GFOD1: variants seen among roughly 807,000 people sequenced by gnomAD.
GFOD1 encodes the protein glucose-fructose oxidoreductase domain-containing protein 1.
GFOD1 carries 9 observed loss-of-function variants against 25.4 expected under a neutral mutation model. That is an observed-to-expected ratio of 0.35 (90% confidence interval 0.21 to 0.62). The LOEUF is 0.62. Among genes scored for constraint, GFOD1 ranks in the 20% least tolerant of loss-of-function variants. The pLI is 0.72. For synonymous variants in GFOD1, 253 were observed against 245.6 expected (o/e 1.03, Z -0.28); for missense variants, 403 against 556.9 (o/e 0.72, Z 2.78).
chr6:13,383,883 T>C (rs1370385499), intron 1 of GFOD1, among the ~76,000 whole-genome samples: 3 of 152,218 alleles, frequency 2.0e-5, no homozygotes, highest in Non-Finnish European at 4.4e-5. Context: ...AAAATGTTAA[T>C]GGGCCTACAT....
intron 1 of GFOD1, among the ~76,000 whole-genome samples, chr6:13,465,056 T>C (rs1018127080): frequency 1.1e-4 from 17 of 152,326 alleles, no homozygotes; most frequent in African/African-American, 4.1e-4. Flanking sequence ...TCTGTGCTCA[T>C]TCTCATAGTA....
intron 1 of GFOD1, among the ~76,000 whole-genome samples, chr6:13,402,801 A>G (rs1237712546): frequency 6.6e-6 from 1 of 152,256 alleles, no homozygotes; most frequent in Non-Finnish European, 1.5e-5. Context: ...TAGAGTGACC[A>G]TATGACCCAG....
In GFOD1 at chr6:13,359,992, C is replaced by T. The variant is rs141968164; in HGVS notation, c.*4751G>A. ...TCCAGATTTCCCTGCAACTGCTCAG[C>T]GAATTGAGGTCCAATGCAGGTCTAA... is the stretch of plus-strand genomic sequence containing the variant. On this transcript the variant is annotated 3_prime_UTR_variant, in exon 2 of 2. Transcript: ENST00000379287. The T allele has an allele frequency of 4.8e-3, 736 of 151,968 alleles. 4 individuals are homozygous for T. The highest frequency in any genetic ancestry group is 6.7e-3 in the Non-Finnish European group (459 of 68,094). 9.4% of individuals were successfully genotyped at this position (151,968 alleles called of 1,614,324 possible).
intron 1 of GFOD1, among the ~76,000 whole-genome samples, chr6:13,395,133 G>A (rs1381416650): frequency 6.6e-6 from 1 of 152,090 alleles, no homozygotes; most frequent in East Asian, 1.9e-4. Flanking sequence ...ATGTTGCCCA[G>A]GCTTCTTTTA....
intron 1 of GFOD1, among the ~76,000 whole-genome samples, chr6:13,369,058 AT>A (rs1459267770): frequency 3.9e-5 from 6 of 152,248 alleles, no homozygotes; most frequent in African/African-American, 1.2e-4. Flanking sequence ...CCAACCTAAT[AT>A]ATATGATATG....
chr6:13,387,452 G>A (rs900756917), intron 1 of GFOD1, among the ~76,000 whole-genome samples: 1 of 152,164 alleles, frequency 6.6e-6, no homozygotes, highest in Non-Finnish European at 1.5e-5. Flanking sequence ...CGGATGCAAG[G>A]CTGGTTCAAC....
intron 1 of GFOD1, among the ~76,000 whole-genome samples, chr6:13,415,753 T>C (rs986229346): frequency 1.3e-5 from 2 of 152,224 alleles, no homozygotes; most frequent in African/African-American, 2.4e-5. Flanking sequence ...GTGAAGCACA[T>C]AGAGTTTGAG....
intron 1 of GFOD1, among the ~76,000 whole-genome samples, chr6:13,406,194 G>A (rs1468697018): frequency 6.6e-6 from 1 of 152,220 alleles, no homozygotes; most frequent in Non-Finnish European, 1.5e-5. Context: ...TCTGGCCCCA[G>A]GATTTTGCTG....
At chr6:13,460,229 C>T (rs1758268552) in intron 1 of GFOD1, among the ~76,000 whole-genome samples, 1 of 152,176 alleles carries the variant, frequency 6.6e-6, no homozygotes, top group African/African-American at 2.4e-5. Flanking sequence ...TGTAAATTAG[C>T]TCAACCATTG....
chr6:13,427,454 G>C (rs1757659180), intron 1 of GFOD1, among the ~76,000 whole-genome samples: 1 of 152,186 alleles, frequency 6.6e-6, no homozygotes, highest in Non-Finnish European at 1.5e-5. Flanking sequence ...GAGCCCAGGA[G>C]TTTGAAACCA....
chr6:13,358,308 GTTTGGTT>G lies in GFOD1; in HGVS notation c.*6428_*6434del, dbSNP rs1021620587. 7 of 151,050 alleles carry G rather than the reference GTTTGGTT, an allele frequency of 4.6e-5. No homozygotes were observed. The highest frequency in any genetic ancestry group is 1.7e-4 in the African/African-American group (7 of 41,056). The allele number at this position is 151,050 out of a possible 1,614,324, so 9.4% of individuals were successfully genotyped here. ...ATGCCTTGACTTCTTATATATATAA[GTTTGGTT>G]TTATACATATACATACATATATACT... On this transcript the variant is annotated 3_prime_UTR_variant, in exon 2 of 2. Coordinates refer to ENST00000379287, the MANE Select transcript of GFOD1 (RefSeq NM_018988.4).
chr6:13,414,808 A>G (rs1323107131), intron 1 of GFOD1, among the ~76,000 whole-genome samples: 2 of 152,248 alleles, frequency 1.3e-5, no homozygotes, highest in Admixed American at 1.3e-4. Context: ...TGTAGCTCAA[A>G]GTAATTTTCA....
chr6:13,421,858 G>A lies in GFOD1; in HGVS notation c.254-56196C>T, dbSNP rs1201487900. The stretch of plus-strand genomic sequence containing the variant: ...GGAGCAGAGGATTTGCCGGGCACAC[G>A]AGGCCTTTCCCGGAGGCTGCAAATC... On this transcript the variant is annotated intron_variant, in intron 1 of 1. Coordinates refer to ENST00000379287, the MANE Select transcript of GFOD1 (RefSeq NM_018988.4). Among the ~76,000 whole-genome samples, 5 of 152,172 alleles carry A rather than the reference G, an allele frequency of 3.3e-5. No homozygotes were observed. The South Asian group carries it at 6.2e-4, about 19-fold the overall frequency.
At chr6:13,407,124 C>G (rs1294523614) in intron 1 of GFOD1, among the ~76,000 whole-genome samples, 1 of 151,910 alleles carries the variant, frequency 6.6e-6, no homozygotes, top group Non-Finnish European at 1.5e-5. Context: ...AAGGCAAAGA[C>G]AATACTCTAG....
intron 1 of GFOD1, among the ~76,000 whole-genome samples, chr6:13,466,455 G>C (rs766298854): frequency 3.3e-5 from 5 of 152,150 alleles, no homozygotes; most frequent in African/African-American, 4.8e-5. Context: ...CTTTGAAGAA[G>C]GGTAACTACA....
chr6:13,372,147 T>C (rs1401456065), intron 1 of GFOD1, among the ~76,000 whole-genome samples: 2 of 152,226 alleles, frequency 1.3e-5, no homozygotes, highest in Non-Finnish European at 2.9e-5. Flanking sequence ...AGCTGAGAGA[T>C]ACCTTCCAAC....
chr6:13,396,923 A>ATTTATT (rs1785744307), intron 1 of GFOD1, among the ~76,000 whole-genome samples: 2 of 152,216 alleles, frequency 1.3e-5, no homozygotes, highest in African/African-American at 2.4e-5. Context: ...TTATTACAAC[A>ATTTATT]GCAAGGGAAA....
intron 1 of GFOD1, among the ~76,000 whole-genome samples, chr6:13,444,070 G>A (rs1005593640): frequency 6.6e-6 from 1 of 152,128 alleles, no homozygotes; most frequent in Non-Finnish European, 1.5e-5. Flanking sequence ...AATGTTCACT[G>A]CAGCACTGTT....
At chr6:13,428,693 GC>G (rs55751952) in intron 1 of GFOD1, among the ~76,000 whole-genome samples, 91,080 of 151,912 alleles carry the variant, frequency 0.6, 31,373 homozygotes, top group Non-Finnish European at 0.76. Context: ...GGGAGTCCAG[GC>G]CCCCTCCCAG....
Sources: gnomAD v4.1 joint callset for allele counts (sites outside exome capture counted in the v4.1 genomes callset) on GRCh38, gnomAD v4.1.1 for gene constraint, MANE v1.5 for transcripts, NCBI Gene and HGNC (gene_info 2026-07-23, HGNC 2026-07-21) for gene names.